The following EMB variants were observed in gnomAD, a reference collection of about 807,000 sequenced individuals.
The protein encoded by EMB is embigin.
In EMB, 31 loss-of-function variants were observed where a neutral mutation model predicts 41.4. The observed-to-expected ratio is 0.75, with a 90% confidence interval of 0.56 to 1.01. EMB has a LOEUF of 1.01. EMB is among the 50% of genes least tolerant of loss of function. EMB has a pLI of 0.00. For missense variants in EMB, 379 were observed against 388.3 expected, an observed-to-expected ratio of 0.98 and a Z score of 0.20; for synonymous variants, 137 against 140.4, an observed-to-expected ratio of 0.98 and a Z score of 0.17.
At chr5:50,427,207 T>C (rs1745625877) in intron 2 of EMB, among the ~76,000 whole-genome samples, 1 of 152,224 alleles carries the variant, frequency 6.6e-6, no homozygotes. Context: ...ACTCTCTGTG[T>C]AAGCCCTGAA....
intron 6 of EMB, 105 bp downstream of exon 6, chr5:50,403,073 C>A: frequency 9.2e-7 from 1 of 1,084,278 alleles, no homozygotes; most frequent in South Asian, 1.7e-5. Flanking sequence ...ATCCTAAAGT[C>A]ATTGCAATGT....
At chr5:50,406,419 T>C (rs1180960131) in intron 4 of EMB, among the ~76,000 whole-genome samples, 2 of 151,746 alleles carry the variant, frequency 1.3e-5, no homozygotes, top group Admixed American at 1.3e-4. Context: ...GTAAAATATA[T>C]ATATATATAC....
chr5:50,403,360 C>G lies in EMB; in HGVS notation c.695G>C (p.Gly232Ala). The change falls in exon 6 of 9, where the codon GGG becomes GCG. Residue 232 changes from glycine to alanine, a missense_variant. By Grantham distance (60) the Gly-to-Ala change is moderately conservative (BLOSUM62 0). Transcript: ENST00000303221. ...LKITQLLEED[G>A]ESYWCRALFQ... ...TAGTGCACGGCACCAGTAAGATTCCCCATCTTCCTCCAAAAGTTGTGTTAT... is the reference window on the plus strand; with the variant it reads ...TAGTGCACGGCACCAGTAAGATTCCGCATCTTCCTCCAAAAGTTGTGTTAT... 1 of 1,612,610 alleles carries G rather than the reference C, an allele frequency of 6.2e-7. No homozygotes were observed. The highest frequency in any genetic ancestry group is 1.1e-5 in the South Asian group (1 of 91,060).
intron 2 of EMB, among the ~76,000 whole-genome samples, chr5:50,425,476 T>G (rs1195184890): frequency 6.6e-6 from 1 of 151,426 alleles, no homozygotes; most frequent in African/African-American, 2.4e-5. Context: ...ATTGAGCAAC[T>G]AAACACTAAT....
At chr5:50,402,234 T>G (rs1052204697) in intron 7 of EMB, 52 bp downstream of exon 7, 22 of 1,553,042 alleles carry the variant, frequency 1.4e-5, no homozygotes, top group Non-Finnish European at 1.7e-5. Context: ...CAATTTTATG[T>G]TTCCCTGTAT....
upstream of EMB, chr5:50,442,895 A>G (rs1363853912): frequency 1.3e-5 from 2 of 152,172 alleles, no homozygotes; most frequent in Non-Finnish European, 1.5e-5. Context: ...CACCCTTCTT[A>G]AAGAAACATT....
intron 4 of EMB, among the ~76,000 whole-genome samples, chr5:50,410,195 C>A (rs1236536678): frequency 6.6e-6 from 1 of 152,086 alleles, no homozygotes; most frequent in Non-Finnish European, 1.5e-5. Flanking sequence ...CAAATACCAG[C>A]ACGATAATAT....
intron 2 of EMB, among the ~76,000 whole-genome samples, chr5:50,416,778 G>A (rs998296371): frequency 1.3e-5 from 2 of 152,106 alleles, no homozygotes; most frequent in Admixed American, 6.6e-5. Context: ...AAGAGGCAAC[G>A]AAAGATCCTC....
Position 50,397,479 on chromosome 5 carries a change from G to T in EMB, c.*1794C>A, listed in dbSNP as rs199814350. 1.3e-5 allele frequency: 2 copies of T among 152,112 alleles called. No individual in the cohort carries two copies. The highest frequency in any genetic ancestry group is 2.9e-5 in the Non-Finnish European group (2 of 68,016). 9.4% of individuals were successfully genotyped at this position (152,112 alleles called of 1,614,324 possible). ...CTTGAAAATTGTATGAGCCTCAATG[G>T]TTAGTGGTGGTAAAATGGAAGAATG... is the stretch of plus-strand genomic sequence containing the variant. On this transcript the variant is annotated 3_prime_UTR_variant, in exon 9 of 9. Transcript: ENST00000303221.
upstream of EMB, among the ~76,000 whole-genome samples, chr5:50,442,447 C>T (rs1745929682): frequency 6.6e-6 from 1 of 152,054 alleles, no homozygotes; most frequent in African/African-American, 2.4e-5. Context: ...TACCAGGTGC[C>T]AATCTACCAT....
chr5:50,428,255 C>T (rs1745654349), intron 1 of EMB, 28 bp from the exon 2 acceptor site: 2 of 1,502,396 alleles, frequency 1.3e-6, no homozygotes, highest in Admixed American at 1.7e-5. Context: ...CATGATTACA[C>T]ACTCTTATCA....
At chr5:50,443,341 G>GGCTTAAGTAATTGCCCAAGTAATT (rs1225021031), upstream of EMB, 7 of 152,294 alleles carry the variant, frequency 4.6e-5, no homozygotes, top group African/African-American at 1.7e-4. Flanking sequence ...ATTGGGGATT[G>GGCTTAAGTAATTGCCCAAGTAATT]GCTTAAGTAA....
chr5:50,419,371 T>C (rs988636760), intron 2 of EMB, among the ~76,000 whole-genome samples: 13 of 152,168 alleles, frequency 8.5e-5, no homozygotes, highest in Admixed American at 2.0e-4. Context: ...TTCAATATAA[T>C]GGAAGAAAGG....
intron 1 of EMB, 118 bp from the exon 2 acceptor site, chr5:50,428,345 G>A (rs1052071670): frequency 1.6e-5 from 20 of 1,264,320 alleles, no homozygotes; most frequent in Non-Finnish European, 2.0e-5. Context: ...TGTGTTTTCA[G>A]GAAGCTCAAA....
In EMB at chr5:50,408,576, G is replaced by A. The variant is rs575894784; in HGVS notation, c.472+2301C>T. ...CTGATGAATTGTTCTGAAGACTCAGGCTCATGCACTATAGGTGGCTCATGT... is the reference window on the plus strand; with the variant it reads ...CTGATGAATTGTTCTGAAGACTCAGACTCATGCACTATAGGTGGCTCATGT... On this transcript the variant is annotated intron_variant, in intron 4 of 8. Coordinates refer to ENST00000303221, the MANE Select transcript of EMB (RefSeq NM_198449.3). Among the ~76,000 whole-genome samples, 9 of 152,068 alleles carry A rather than the reference G, an allele frequency of 5.9e-5. No homozygotes were observed. The South Asian group carries it at 1.7e-3, about 28-fold the overall frequency.
Position 50,432,800 on chromosome 5 carries a change from C to CA in EMB, c.113-4574dup, listed in dbSNP as rs1388944973. Among the ~76,000 whole-genome samples the CA allele has an allele frequency of 4.7e-5, 7 of 150,248 alleles. No individual in the cohort carries two copies. The East Asian group carries it at 1.4e-3, about 29-fold the overall frequency. ...GTCAAAAAATTCTAGTTATCAGGGCCAGGCGCGGTGGCTCACGCTTCTAAT... is the reference window on the plus strand; with the variant it reads ...GTCAAAAAATTCTAGTTATCAGGGCCAAGGCGCGGTGGCTCACGCTTCTAAT... On this transcript the variant is annotated intron_variant, in intron 1 of 8. Transcript: ENST00000303221.
chr5:50,403,399 T>C lies in EMB; in HGVS notation c.656A>G (p.Glu219Gly), dbSNP rs1420118401. The C allele has an allele frequency of 6.2e-7, 1 of 1,612,648 alleles. No homozygotes were observed. Among genetic ancestry groups the C allele is most frequent in the Non-Finnish European group, 8.5e-7 (1 of 1,179,100 alleles). ...KYVINGTYANETKLKITQLLE... is the reference protein window; with the variant it reads ...KYVINGTYANGTKLKITQLLE... ...AAGTTGTGTTATCTTCAGCTTTGTT[T>C]CGTTAGCATATGTTCCATTGATCAC... The change falls in exon 6 of 9, where the codon GAA becomes GGA. Residue 219 changes from glutamate to glycine, a missense_variant. Physicochemically the swap from Glu to Gly is moderately conservative, Grantham distance 98. Transcript: ENST00000303221.
At chr5:50,428,117 G>T in intron 2 of EMB, 27 bp downstream of exon 2, 3 of 1,506,384 alleles carry the variant, frequency 2.0e-6, no homozygotes, top group Admixed American at 1.9e-5. Context: ...TTTTCGAATT[G>T]CATTATTTGA....
chr5:50,412,696 T>C lies in EMB; in HGVS notation c.197-1313A>G, dbSNP rs192982792. Among the ~76,000 whole-genome samples, 268 of 152,242 alleles carry C rather than the reference T, an allele frequency of 1.8e-3. 1 individual carries two copies. Among genetic ancestry groups the C allele is most frequent in the African/African-American group, 6.2e-3 (256 of 41,552 alleles). ...CATATGTTATTAAATACGCTTTTTG[T>C]TTTGCTAATCTATCTTTTGTCAGTT... On this transcript the variant is annotated intron_variant, in intron 2 of 8. Transcript: ENST00000303221.
Sources: gnomAD v4.1 joint callset for allele counts (sites outside exome capture counted in the v4.1 genomes callset) on GRCh38, gnomAD v4.1.1 for gene constraint, MANE v1.5 for transcripts, NCBI Gene and HGNC (gene_info 2026-07-23, HGNC 2026-07-21) for gene names.